Variants in USP6NL observed in about 807,000 individuals in gnomAD.
USP6NL encodes the protein USP6 N-terminal-like protein.
Under a neutral mutation model 61.9 loss-of-function variants are expected in USP6NL, and 26 were observed. The observed-to-expected ratio is 0.42, with a 90% confidence interval of 0.31 to 0.58. USP6NL has a LOEUF of 0.58. USP6NL is among the 20% of genes least tolerant of loss of function. The probability of loss-of-function intolerance (pLI) is 0.16; values close to 1 mark genes in which losing one functional copy is unlikely to be tolerated. For missense variants in USP6NL, 1,114 were observed against 1,034.3 expected, an observed-to-expected ratio of 1.08 and a Z score of -1.06; for synonymous variants, 432 against 390.1, an observed-to-expected ratio of 1.11 and a Z score of -1.27.
At chr10:11,577,678 G>A (rs926910241) in intron 2 of USP6NL, among the ~76,000 whole-genome samples, 1 of 151,584 alleles carries the variant, frequency 6.6e-6, no homozygotes, top group Non-Finnish European at 1.5e-5. Flanking sequence ...TGTATTTTTA[G>A]TAAAGACAGG....
rs562526094 is a variant in USP6NL at position 11,489,143 on chromosome 10, G to A, written c.623C>T (p.Ala208Val). The A allele has an allele frequency of 2.5e-6, 4 of 1,613,924 alleles. No individual in the cohort carries two copies. Among genetic ancestry groups the A allele is most frequent in the South Asian group, 1.1e-5 (1 of 91,082 alleles). ...AGGGCCTGAGAAGAGTTTGACCAGG[G>A]CCCAGAAGGCATCTTCCTCGTTCAT... ...MYMNEEDAFWALVKLFSGPKH... is the reference protein window; with the variant it reads ...MYMNEEDAFWVLVKLFSGPKH... Residue 208 changes from alanine to valine, a missense_variant, in exon 10 of 15, where the codon GCC becomes GTC. Ala to Val is a moderately conservative substitution (Grantham distance 64). Transcript: ENST00000609104. The surrounding 1 kb of genome is among the most constrained non-coding windows in gnomAD (Gnocchi z 5.7).
chr10:11,475,419 C>G (rs1166824675), intron 14 of USP6NL, among the ~76,000 whole-genome samples: 1 of 151,218 alleles, frequency 6.6e-6, no homozygotes, highest in African/African-American at 2.4e-5. Context: ...ATGGAGAAAC[C>G]CCATCTCTAC....
intron 1 of USP6NL, among the ~76,000 whole-genome samples, chr10:11,607,035 C>T (rs904477828): frequency 6.6e-6 from 1 of 152,116 alleles, no homozygotes; most frequent in Non-Finnish European, 1.5e-5. Flanking sequence ...TGTGATCCAC[C>T]CACCTGGCCC....
rs560991534 is a variant in USP6NL at position 11,470,082 on chromosome 10, G to A, written c.1079-6233C>T. Among the ~76,000 whole-genome samples the A allele has an allele frequency of 7.2e-5, 11 of 152,300 alleles. No individual in the cohort carries two copies. The South Asian group carries it at 2.1e-3, about 29-fold the overall frequency. ...GGGGCAGCGCTGTGGAGGTAGTAAC[G>A]CTGTGCCTCTCATGAGGAGGAGAAG... On this transcript the variant is annotated intron_variant, in intron 14 of 14. Coordinates refer to ENST00000609104, the MANE Select transcript of USP6NL (RefSeq NM_014688.5). The surrounding 1 kb of genome is among the most constrained non-coding windows in gnomAD (Gnocchi z 5.4).
At chr10:11,605,965 G>C (rs1435965258) in intron 1 of USP6NL, among the ~76,000 whole-genome samples, 1 of 152,148 alleles carries the variant, frequency 6.6e-6, no homozygotes, top group African/African-American at 2.4e-5. Context: ...AGAGAGAGTG[G>C]CTGAGAACTT....
intron 2 of USP6NL, among the ~76,000 whole-genome samples, chr10:11,580,037 C>T (rs1198432525): frequency 6.7e-6 from 1 of 149,334 alleles, no homozygotes; most frequent in Non-Finnish European, 1.5e-5. Context: ...GCATCTAGTG[C>T]ATAGACCCAA....
intron 2 of USP6NL, among the ~76,000 whole-genome samples, chr10:11,577,739 G>A (rs1837604675): frequency 6.6e-6 from 1 of 151,878 alleles, no homozygotes; most frequent in Admixed American, 6.6e-5. Context: ...GACCTCAGGT[G>A]ACCCGCCTGC....
chr10:11,501,033 C>A (rs1355069229), intron 7 of USP6NL, 68 bp downstream of exon 7: 15 of 1,240,190 alleles, frequency 1.2e-5, no homozygotes, highest in Non-Finnish European at 1.7e-5. Context: ...CTTATGTCAC[C>A]TTGAATGCTA....
Position 11,489,190 on chromosome 10 carries a change from G to T in USP6NL, c.576C>A (p.Ile192=). ...EVGYCQGMSQ[I]TALLLMYMNE... is the part of the protein sequence containing the mutation. ...TCATATACATGAGGAGTAAAGCTGT[G>T]ATCTGGCTCATCCCCTGACAATACC... Residue 192 remains isoleucine (I), a synonymous_variant, in exon 10 of 15, where the codon ATC becomes ATA. Transcript: ENST00000609104. This position sits in a 1 kb window ranked among gnomAD's most constrained non-coding sequence, Gnocchi z 5.7. 1 of 1,613,928 alleles carries T rather than the reference G, an allele frequency of 6.2e-7. No homozygotes were observed. The highest frequency in any genetic ancestry group is 8.5e-7 in the Non-Finnish European group (1 of 1,179,840).
chr10:11,566,115 G>T (rs1837141953), intron 2 of USP6NL, among the ~76,000 whole-genome samples: 1 of 152,186 alleles, frequency 6.6e-6, no homozygotes, highest in African/African-American at 2.4e-5. Context: ...AATGAGCTGG[G>T]AAGGGCAGGC....
chr10:11,554,271 G>A (rs577002779), intron 2 of USP6NL, among the ~76,000 whole-genome samples: 113 of 152,252 alleles, frequency 7.4e-4, no homozygotes, highest in African/African-American at 2.7e-3. Context: ...TAGAGCTCAG[G>A]GCACAAAGCA....
Position 11,490,788 on chromosome 10 carries a change from C to T in USP6NL, c.543+44G>A. 6.5e-7 allele frequency: 1 copy of T among 1,537,188 alleles called. No individual in the cohort carries two copies. Among genetic ancestry groups the T allele is most frequent in the Non-Finnish European group, 8.8e-7 (1 of 1,139,946 alleles). On this transcript the variant is annotated intron_variant, in intron 9 of 14. Transcript: ENST00000609104. This position sits in a 1 kb window ranked among gnomAD's most constrained non-coding sequence, Gnocchi z 4.5. ...GGGCCCTGCTAAGTAGGGAGTACCT[C>T]AGAATACAACTCAAAGACCTTGGGC...
chr10:11,549,895 G>A (rs1345933819), intron 2 of USP6NL, among the ~76,000 whole-genome samples: 1 of 152,168 alleles, frequency 6.6e-6, no homozygotes, highest in African/African-American at 2.4e-5. Flanking sequence ...GTACTCAAGA[G>A]TGAGATTACA....
rs1257827245 is a variant in USP6NL at position 11,462,604 on chromosome 10, T to C, written c.2324A>G (p.His775Arg). The C allele has an allele frequency of 3.1e-6, 5 of 1,614,018 alleles. No individual in the cohort carries two copies. Among genetic ancestry groups the C allele is most frequent in the East Asian group, 4.5e-5 (2 of 44,874 alleles). The change falls in exon 15 of 15, where the codon CAT becomes CGT. Residue 775 changes from histidine (H) to arginine (R), a missense_variant. Physicochemically the swap from His to Arg is conservative, Grantham distance 29. Transcript: ENST00000609104. ...SAFQLAPFQD[H>R]GLPAVSVDSP... is the part of the protein sequence containing the mutation. ...ATCTACAGAAACTGCAGGGAGGCCA[T>C]GGTCCTGAAAGGGTGCGAGTTGAAA...
chr10:11,477,972 G>A (rs914796563), intron 14 of USP6NL, among the ~76,000 whole-genome samples: 6 of 152,200 alleles, frequency 3.9e-5, no homozygotes, highest in Non-Finnish European at 7.3e-5. Context: ...CATGAATACT[G>A]AAAAGGAAGA....
rs1434287952 is a variant in USP6NL at position 11,487,890 on chromosome 10, T to C, written c.664+1212A>G. ...CAATGGGCTATAGAAAGTCATAATT[T>C]TGAAAATATTAAAACAGTACTTTAA... On this transcript the variant is annotated intron_variant, in intron 10 of 14. Transcript: ENST00000609104. The surrounding 1 kb of genome is among the most constrained non-coding windows in gnomAD (Gnocchi z 4.2). Among the ~76,000 whole-genome samples the C allele has an allele frequency of 1.3e-5, 2 of 152,166 alleles. No homozygotes were observed. The highest frequency in any genetic ancestry group is 4.8e-5 in the African/African-American group (2 of 41,424).
rs1398158126 is a variant in USP6NL, at chr10:11,597,094, T to C, written c.4+537A>G. ...CAGTTCTCTTGTTCACAAGCAGAAGTATATAGGAATAGAGAGAAAATATTA... is the reference window on the plus strand; with the variant it reads ...CAGTTCTCTTGTTCACAAGCAGAAGCATATAGGAATAGAGAGAAAATATTA... On this transcript the variant is annotated intron_variant, in intron 2 of 14. Transcript: ENST00000609104. The surrounding 1 kb of genome is among the most constrained non-coding windows in gnomAD (Gnocchi z 4.6). Among the ~76,000 whole-genome samples, 7 of 152,100 alleles carry C rather than the reference T, an allele frequency of 4.6e-5. No individual in the cohort carries two copies. The East Asian group carries it at 1.3e-3, about 29-fold the overall frequency.
At chr10:11,558,213 T>C (rs180746428) in intron 2 of USP6NL, among the ~76,000 whole-genome samples, 98 of 152,270 alleles carry the variant, frequency 6.4e-4, no homozygotes, top group Admixed American at 1.2e-3. Flanking sequence ...CCCTGCTCCT[T>C]TGTCCCCCAA....
rs370896929 is a variant in USP6NL, at chr10:11,463,305, G to C, written c.1623C>G (p.Asp541Glu). 1 of 1,613,746 alleles carries C rather than the reference G, an allele frequency of 6.2e-7. No individual in the cohort carries two copies. The highest frequency in any genetic ancestry group is 1.3e-5 in the African/African-American group (1 of 74,914). Residue 541 changes from aspartate to glutamate, a missense_variant, in exon 15 of 15, where the codon GAC (aspartate) becomes GAG (glutamate). Transcript: ENST00000609104. The surrounding 1 kb of genome is among the most constrained non-coding windows in gnomAD (Gnocchi z 6.3). ...GCGATGCAGTGGAGCCCCGCTTCCC[G>C]TCCTCAGCATCCAGGGCCTTCATCT... ...RPKMKALDAE[D>E]GKRGSTASQY... is the part of the protein sequence containing the mutation.
Sources: gnomAD v4.1 joint callset for allele counts (sites outside exome capture counted in the v4.1 genomes callset) on GRCh38, gnomAD v4.1.1 for gene constraint, Gnocchi (gnomAD v3.1) non-coding constraint, MANE v1.5 for transcripts, NCBI Gene and HGNC (gene_info 2026-07-23, HGNC 2026-07-21) for gene names.